KHDRBS3: variants seen among roughly 807,000 people sequenced by gnomAD.
KHDRBS3 encodes the protein KH RNA binding domain containing, signal transduction associated 3.
A neutral mutation model predicts 45.6 loss-of-function variants in KHDRBS3; 23 were observed. That is an observed-to-expected ratio of 0.50 (90% confidence interval 0.36 to 0.72). The LOEUF is 0.72. KHDRBS3 is among the 30% of genes least tolerant of loss of function. The pLI is 0.00. For missense variants in KHDRBS3, 352 were observed against 424.8 expected, an observed-to-expected ratio of 0.83 and a Z score of 1.51; for synonymous variants, 162 against 156.5, an observed-to-expected ratio of 1.04 and a Z score of -0.26.
intron 6 of KHDRBS3, among the ~76,000 whole-genome samples, chr8:135,582,519 A>G (rs1828264965): frequency 6.6e-6 from 1 of 152,242 alleles, no homozygotes; most frequent in Admixed American, 6.5e-5. Context: ...TTCAGTAAAG[A>G]AAACAAAAGT....
At position 135,542,791 on chromosome 8, in the gene KHDRBS3, CG is replaced by C. The variant is rs754056110; in HGVS notation, c.324+23del. 2.7e-6 allele frequency: 4 copies of C among 1,484,616 alleles called. No individual in the cohort carries two copies. The East Asian group carries it at 9.0e-5, about 34-fold the overall frequency. 92.0% of individuals were successfully genotyped at this position (1,484,616 alleles called of 1,614,324 possible). A position where few individuals can be genotyped will look rare whatever the true frequency, so the allele number is the denominator to read the frequency against. On this transcript the variant is annotated intron_variant, in intron 3 of 8. Transcript: ENST00000355849. Reference sequence around the variant, plus strand: ...CCAAGGTAATATTAATTATAGAAAACGGCTAAGTTGTGTATCATGTTATATT... The same window carrying C: ...CCAAGGTAATATTAATTATAGAAAACGCTAAGTTGTGTATCATGTTATATT...
At chr8:135,555,639 A>G (rs1274848243) in intron 4 of KHDRBS3, among the ~76,000 whole-genome samples, 3 of 152,106 alleles carry the variant, frequency 2.0e-5, no homozygotes, top group African/African-American at 7.2e-5. Flanking sequence ...TAGTTATTGC[A>G]GTACCAGCTG....
intron 5 of KHDRBS3, among the ~76,000 whole-genome samples, chr8:135,560,635 A>G (rs1399901615): frequency 6.6e-6 from 1 of 152,110 alleles, no homozygotes; most frequent in African/African-American, 2.4e-5. Context: ...TTTTTTGTTT[A>G]TTTTGAATAC....
chr8:135,650,348 T>TCACCA (rs1831404001), downstream of KHDRBS3, among the ~76,000 whole-genome samples: 2 of 152,220 alleles, frequency 1.3e-5, no homozygotes, highest in Non-Finnish European at 2.9e-5. Context: ...TAAATCAGGC[T>TCACCA]GTGATCCTCC....
At chr8:135,632,654 A>G (rs934898595) in intron 7 of KHDRBS3, among the ~76,000 whole-genome samples, 5 of 151,776 alleles carry the variant, frequency 3.3e-5, no homozygotes, top group African/African-American at 9.7e-5. Context: ...TATAAATGAT[A>G]ATTCTGTTTT....
At chr8:135,653,547 C>G (rs117258423) in intron 4 of KHDRBS3, among the ~76,000 whole-genome samples, 20 of 152,326 alleles carry the variant, frequency 1.3e-4, no homozygotes, top group Admixed American at 3.9e-4. Flanking sequence ...GTATGATACT[C>G]TTGCCATGCC....
chr8:135,629,675 T>C (rs1051797972), intron 7 of KHDRBS3, among the ~76,000 whole-genome samples: 1 of 152,234 alleles, frequency 6.6e-6, no homozygotes, highest in African/African-American at 2.4e-5. Flanking sequence ...GTTGATCCTA[T>C]AGCAGCCAGT....
At chr8:135,535,036 A>C (rs1159237508) in intron 2 of KHDRBS3, among the ~76,000 whole-genome samples, 1 of 152,018 alleles carries the variant, frequency 6.6e-6, no homozygotes, top group East Asian at 1.9e-4. Flanking sequence ...TGAGCAAATA[A>C]ATAAGATGGT....
rs1282706790 is a variant in KHDRBS3, at chr8:135,527,333, G to A, written c.207+5978G>A. Among the ~76,000 whole-genome samples the A allele has an allele frequency of 2.0e-5, 3 of 152,218 alleles. No individual in the cohort carries two copies. The East Asian group carries it at 5.8e-4, about 29-fold the overall frequency. On this transcript the variant is annotated intron_variant, in intron 2 of 8. Transcript: ENST00000355849. ...GCTCAGAGAAGGCTGCTCTAAGGAG[G>A]TTGTCTCTAAAGAGTCTGGCTGGCT...
At chr8:135,488,618 A>G (rs1464682826) in intron 1 of KHDRBS3, among the ~76,000 whole-genome samples, 1 of 152,220 alleles carries the variant, frequency 6.6e-6, no homozygotes, top group Non-Finnish European at 1.5e-5. Flanking sequence ...CATCCTTAAC[A>G]ACAGGGTGGG....
chr8:135,647,246 A>AG lies in KHDRBS3; in HGVS notation c.*162_*163insG, dbSNP rs1367051104. The AG allele has an allele frequency of 7.7e-6, 1 of 129,210 alleles. No individual in the cohort carries two copies. Among genetic ancestry groups the AG allele is most frequent in the African/African-American group, 2.3e-4 (1 of 4,360 alleles). 8.0% of individuals were successfully genotyped at this position (129,210 alleles called of 1,614,324 possible). ...TTTGTTGAAACATCAACCTGGGCAG[A>AG]AAAAAAAAAAAAAAGACATGTAAAA... On this transcript the variant is annotated 3_prime_UTR_variant, in exon 9 of 9. Transcript: ENST00000355849.
At chr8:135,520,310 A>G (rs1824842472) in intron 1 of KHDRBS3, among the ~76,000 whole-genome samples, 1 of 152,184 alleles carries the variant, frequency 6.6e-6, no homozygotes, top group African/African-American at 2.4e-5. Context: ...CTTGGAGGTA[A>G]CAGTACTCAT....
chr8:135,507,012 T>C (rs1201825257), intron 1 of KHDRBS3, among the ~76,000 whole-genome samples: 2 of 152,212 alleles, frequency 1.3e-5, no homozygotes, highest in Non-Finnish European at 2.9e-5. Context: ...TTATGGAGCC[T>C]TTTAGACATC....
At chr8:135,576,109 C>T (rs953354606) in intron 5 of KHDRBS3, among the ~76,000 whole-genome samples, 1 of 152,192 alleles carries the variant, frequency 6.6e-6, no homozygotes, top group Admixed American at 6.5e-5. Flanking sequence ...GTTTGGGGAA[C>T]CAAAACCACA....
At chr8:135,566,355 A>G (rs1827412953) in intron 5 of KHDRBS3, among the ~76,000 whole-genome samples, 1 of 152,214 alleles carries the variant, frequency 6.6e-6, no homozygotes, top group Admixed American at 6.5e-5. Flanking sequence ...TCTTCACATT[A>G]GAGGAGGAAC....
At chr8:135,458,244 G>A in intron 1 of KHDRBS3, 2 of 1,153,584 alleles carry the variant, frequency 1.7e-6, no homozygotes, top group Non-Finnish European at 2.2e-6. Flanking sequence ...TCTGGGTGGG[G>A]GACAGCGACC....
At position 135,645,102 on chromosome 8, in the gene KHDRBS3, A is replaced by C; in HGVS notation, c.934A>C (p.Thr312Pro). ...YDYGHGLSEE[T>P]YDSYGQEEWT... is the part of the protein sequence containing the mutation. The stretch of plus-strand genomic sequence containing the variant: ...TTACGGACATGGACTCAGTGAGGAG[A>C]CTTATGATTCCTACGGTGAGTGACT... The change falls in exon 8 of 9, where the codon ACT (threonine) becomes CCT (proline). Residue 312 changes from threonine to proline, a missense_variant. Thr to Pro is a conservative substitution (Grantham distance 38, BLOSUM62 -1). Around this residue, in one of 6 missense-constraint regions of KHDRBS3, gnomAD observed 212 missense variants for 209.6 expected, o/e 1.01. Transcript: ENST00000355849. The C allele has an allele frequency of 6.2e-7, 1 of 1,613,624 alleles. No individual in the cohort carries two copies. The highest frequency in any genetic ancestry group is 8.5e-7 in the Non-Finnish European group (1 of 1,179,856).
At position 135,457,488 on chromosome 8, in the gene KHDRBS3, C is replaced by A. The variant is rs948189264; in HGVS notation, c.-379C>A. The A allele has an allele frequency of 5.4e-5, 8 of 147,208 alleles. No individual in the cohort carries two copies. Among genetic ancestry groups the A allele is most frequent in the South Asian group, 1.9e-4 (1 of 5,164 alleles). The allele number at this position is 147,208 out of a possible 1,614,324, so 9.1% of individuals were successfully genotyped here. ...GCGGGGCGGCGCGCGGCGTGCAGGT[C>A]GCAGCTGTGGCTCGGGTGCTGGCAG... On this transcript the variant is annotated 5_prime_UTR_variant, in exon 1 of 9. Coordinates refer to ENST00000355849, the MANE Select transcript of KHDRBS3 (RefSeq NM_006558.3). This position sits in a 1 kb window ranked among gnomAD's most constrained non-coding sequence, Gnocchi z 4.4.
At chr8:135,497,688 C>T (rs1021679270) in intron 1 of KHDRBS3, among the ~76,000 whole-genome samples, 2 of 152,096 alleles carry the variant, frequency 1.3e-5, no homozygotes, top group Non-Finnish European at 2.9e-5. Flanking sequence ...TTAATGTCTT[C>T]CATATATCAA....
Sources: gnomAD v4.1 joint callset for allele counts (sites outside exome capture counted in the v4.1 genomes callset) on GRCh38, gnomAD v4.1.1 for gene constraint, gnomAD v4.1.1 regional missense constraint, Gnocchi (gnomAD v3.1) non-coding constraint, MANE v1.5 for transcripts, NCBI Gene and HGNC (gene_info 2026-07-23, HGNC 2026-07-21) for gene names.